The following ELAPOR2 variants were observed in gnomAD, a reference collection of about 807,000 sequenced individuals.
ELAPOR2 encodes endosome-lysosome associated apoptosis and autophagy regulator family member 2.
Under a neutral mutation model 120.7 loss-of-function variants are expected in ELAPOR2, and 89 were observed. The observed-to-expected ratio is 0.74, with a 90% CI of 0.62 to 0.88. The LOEUF is 0.88. Among genes scored for constraint, ELAPOR2 ranks in the 40% least tolerant of loss-of-function variants. ELAPOR2 has a pLI of 0.00. For missense variants in ELAPOR2, 1,134 were observed against 1,251.6 expected, an observed-to-expected ratio of 0.91 and a Z score of 1.42; for synonymous variants, 444 against 444.9, an observed-to-expected ratio of 1.00 and a Z score of 0.03.
chr7:86,928,926 C>T (rs902078806), intron 8 of ELAPOR2, among the ~76,000 whole-genome samples: 2 of 151,852 alleles, frequency 1.3e-5, no homozygotes, highest in Non-Finnish European at 2.9e-5. Flanking sequence ...GTCTGGCTGA[C>T]TAGGTAAAGA....
intron 5 of ELAPOR2, among the ~76,000 whole-genome samples, chr7:86,941,593 G>A (rs1434215575): frequency 6.6e-6 from 1 of 152,012 alleles, no homozygotes; most frequent in Admixed American, 6.6e-5. Context: ...AAAGATAAAA[G>A]GAATTCACAG....
At chr7:86,965,944 G>T in intron 1 of ELAPOR2, 1 of 985,302 alleles carries the variant, frequency 1.0e-6, no homozygotes, top group South Asian at 4.7e-5. Flanking sequence ...GGAATGAGAA[G>T]GCCATTGTCT....
chr7:86,962,055 C>A (rs1310368539), intron 2 of ELAPOR2, among the ~76,000 whole-genome samples: 1 of 152,146 alleles, frequency 6.6e-6, no homozygotes, highest in African/African-American at 2.4e-5. Context: ...GCTTCAGAGT[C>A]ACATATACCC....
chr7:86,915,391 G>A (rs1175406340), intron 12 of ELAPOR2, among the ~76,000 whole-genome samples: 1 of 151,736 alleles, frequency 6.6e-6, no homozygotes, highest in Admixed American at 6.6e-5. Context: ...GTTATTTAAT[G>A]TTCATGAAAT....
At chr7:86,964,406 G>A (rs1791830211) in intron 2 of ELAPOR2, among the ~76,000 whole-genome samples, 1 of 151,968 alleles carries the variant, frequency 6.6e-6, no homozygotes, top group Non-Finnish European at 1.5e-5. Context: ...TAATCTCTCT[G>A]TAGGTTATAC....
intron 1 of ELAPOR2, among the ~76,000 whole-genome samples, chr7:87,039,603 T>C (rs1424046120): frequency 6.6e-6 from 1 of 152,154 alleles, no homozygotes; most frequent in Admixed American, 6.5e-5. Context: ...TAATTCAACA[T>C]ACGCAAATAA....
chr7:86,991,801 T>C (rs888505582), intron 1 of ELAPOR2, among the ~76,000 whole-genome samples: 6 of 152,068 alleles, frequency 3.9e-5, no homozygotes, highest in Non-Finnish European at 8.8e-5. Context: ...GCCATTATAT[T>C]CATGTGACAG....
At chr7:87,059,146 AC>A (rs1456670660) in intron 1 of ELAPOR2, among the ~76,000 whole-genome samples, 178 bp downstream of exon 1, 1 of 151,588 alleles carries the variant, frequency 6.6e-6, no homozygotes, top group Admixed American at 6.6e-5. Flanking sequence ...GAAGCCACAC[AC>A]CCTCTCCGGG....
intron 17 of ELAPOR2, 102 bp downstream of exon 17, chr7:86,908,345 T>G: frequency 1.6e-6 from 1 of 640,304 alleles, no homozygotes. Context: ...ATCTGGTATA[T>G]GATTACATAC....
At chr7:87,022,236 C>A (rs1425597644) in intron 1 of ELAPOR2, among the ~76,000 whole-genome samples, 3 of 118,216 alleles carry the variant, frequency 2.5e-5, no homozygotes, top group African/African-American at 9.5e-5. Context: ...CCCCTCCCCC[C>A]ACCCCACAAC....
At chr7:86,906,563 G>A (rs1789025452) in intron 18 of ELAPOR2, among the ~76,000 whole-genome samples, 1 of 152,136 alleles carries the variant, frequency 6.6e-6, no homozygotes, top group Middle Eastern at 3.4e-3. Context: ...ATCCTGATGT[G>A]ACATAAGCAG....
intron 1 of ELAPOR2, among the ~76,000 whole-genome samples, chr7:87,025,881 A>C (rs1454632738): frequency 6.6e-6 from 1 of 152,144 alleles, no homozygotes; most frequent in African/African-American, 2.4e-5. Flanking sequence ...TGTCAATTAG[A>C]AATGTTTATC....
In ELAPOR2 at chr7:86,879,513, C is replaced by T. The variant is rs563431667; in HGVS notation, c.*958G>A. On this transcript the variant is annotated 3_prime_UTR_variant, in exon 22 of 22. Coordinates refer to ENST00000450689, the MANE Select transcript of ELAPOR2 (RefSeq NM_001142749.3). ...AAAAATAACCATATAACCTCTGGTG[C>T]TTGACAAAGAACAAAAGTCCCACTG... 3.3e-5 allele frequency: 5 copies of T among 152,192 alleles called. No homozygotes were observed. Among genetic ancestry groups the T allele is most frequent in the Non-Finnish European group, 5.9e-5 (4 of 68,002 alleles). The allele number at this position is 152,192 out of a possible 1,614,324, so 9.4% of individuals were successfully genotyped here. A position where few individuals can be genotyped will look rare whatever the true frequency, so the allele number is the denominator to read the frequency against.
intron 1 of ELAPOR2, among the ~76,000 whole-genome samples, chr7:87,018,500 TAGC>T (rs1793938380): frequency 6.6e-6 from 1 of 152,224 alleles, no homozygotes; most frequent in Non-Finnish European, 1.5e-5. Flanking sequence ...TGAGGCATTC[TAGC>T]TAGATGATTT....
intron 8 of ELAPOR2, among the ~76,000 whole-genome samples, chr7:86,933,440 C>A (rs10215436): frequency 0.094 from 14,245 of 151,922 alleles, 748 homozygotes; most frequent in African/African-American, 0.13. Context: ...TGTAACCAGA[C>A]CAGCTGAGAC....
intron 10 of ELAPOR2, among the ~76,000 whole-genome samples, chr7:86,922,548 C>G (rs1046358276): frequency 6.6e-6 from 1 of 151,754 alleles, no homozygotes; most frequent in African/African-American, 2.4e-5. Context: ...CATCACTGAG[C>G]TTTTATTATA....
intron 1 of ELAPOR2, among the ~76,000 whole-genome samples, chr7:86,996,354 C>T (rs995420441): frequency 5.9e-5 from 9 of 152,068 alleles, no homozygotes; most frequent in African/African-American, 1.9e-4. Flanking sequence ...GAGAAGCCAG[C>T]CACAGAGAGA....
intron 3 of ELAPOR2, among the ~76,000 whole-genome samples, chr7:86,947,334 CTT>C (rs1487620469): frequency 6.6e-6 from 1 of 152,046 alleles, no homozygotes; most frequent in Non-Finnish European, 1.5e-5. Context: ...AACCCACTCT[CTT>C]TTATAGGAGA....
intron 2 of ELAPOR2, among the ~76,000 whole-genome samples, chr7:86,953,556 CTG>C (rs1442722539): frequency 6.6e-6 from 1 of 152,130 alleles, no homozygotes; most frequent in African/African-American, 2.4e-5. Flanking sequence ...ATCTTAAAGA[CTG>C]TACTATTTTC....
Sources: gnomAD v4.1 joint callset for allele counts (sites outside exome capture counted in the v4.1 genomes callset) on GRCh38, gnomAD v4.1.1 for gene constraint, MANE v1.5 for transcripts, NCBI Gene and HGNC (gene_info 2026-07-23, HGNC 2026-07-21) for gene names.